The following PTGER3 variants were observed in gnomAD, a reference collection of about 807,000 sequenced individuals.
PTGER3 encodes the protein prostaglandin E2 receptor EP3 subtype.
Under a neutral mutation model 34.7 loss-of-function variants are expected in PTGER3, and 22 were observed. That is an observed-to-expected ratio of 0.63 (90% confidence interval 0.45 to 0.91). The LOEUF (loss-of-function observed/expected upper bound fraction) is 0.91. Among genes scored for constraint, PTGER3 ranks in the 40% least tolerant of loss-of-function variants. The probability of loss-of-function intolerance (pLI) is 0.00; values close to 1 mark genes in which losing one functional copy is unlikely to be tolerated. For synonymous variants in PTGER3, 241 were observed against 230.1 expected (o/e 1.05, Z -0.43); for missense variants, 468 against 519.4 (o/e 0.90, Z 0.96).
chr1:70,929,635 A>C (rs1397617803), intron 4 of PTGER3, among the ~76,000 whole-genome samples: 1 of 152,136 alleles, frequency 6.6e-6, no homozygotes, highest in Non-Finnish European at 1.5e-5. Context: ...TCCCCTACCA[A>C]ATTCCCAGAA....
intron 2 of PTGER3, among the ~76,000 whole-genome samples, chr1:70,975,468 C>T (rs962337210): frequency 1.3e-5 from 2 of 151,990 alleles, no homozygotes; most frequent in African/African-American, 4.8e-5. Flanking sequence ...GAAATAAAAT[C>T]CAGTGTTTCT....
intron 4 of PTGER3, among the ~76,000 whole-genome samples, chr1:70,881,913 A>G (rs997358952): frequency 6.6e-6 from 1 of 152,188 alleles, no homozygotes; most frequent in African/African-American, 2.4e-5. Context: ...GCTCTAGCAG[A>G]TGTGGCCCAT....
chr1:70,919,525 C>G (rs989569032), intron 4 of PTGER3, among the ~76,000 whole-genome samples: 2 of 152,176 alleles, frequency 1.3e-5, no homozygotes, highest in African/African-American at 4.8e-5. Flanking sequence ...AATCACCAAT[C>G]TAATACATCT....
chr1:70,976,443 G>A (rs56225162), intron 2 of PTGER3, among the ~76,000 whole-genome samples: 21,113 of 152,054 alleles, frequency 0.14, 2,016 homozygotes, highest in East Asian at 0.35. Flanking sequence ...TGTGGGGCCA[G>A]GGGAGTCTGT....
At chr1:70,885,136 T>G (rs1449331804) in intron 4 of PTGER3, among the ~76,000 whole-genome samples, 3 of 151,888 alleles carry the variant, frequency 2.0e-5, no homozygotes, top group Non-Finnish European at 2.9e-5. Context: ...GAATAAGTTT[T>G]TGAGTTTTGA....
chr1:70,942,197 C>T (rs972033933), intron 4 of PTGER3, among the ~76,000 whole-genome samples: 1 of 152,088 alleles, frequency 6.6e-6, no homozygotes, highest in African/African-American at 2.4e-5. Flanking sequence ...AGCACAGCCA[C>T]CCAGGCATGA....
chr1:70,932,230 A>T (rs117599798), intron 4 of PTGER3, among the ~76,000 whole-genome samples: 1 of 152,074 alleles, frequency 6.6e-6, no homozygotes, highest in African/African-American at 2.4e-5. Context: ...GGACCTTATC[A>T]TTCATATCAC....
intron 4 of PTGER3, among the ~76,000 whole-genome samples, chr1:70,905,888 T>A (rs1646936889): frequency 6.6e-6 from 1 of 152,132 alleles, no homozygotes; most frequent in African/African-American, 2.4e-5. Context: ...ATGATTTGAC[T>A]GTGTCCCCAC....
intron 4 of PTGER3, among the ~76,000 whole-genome samples, chr1:70,871,338 A>T (rs768880862): frequency 8.5e-5 from 13 of 152,200 alleles, no homozygotes; most frequent in Non-Finnish European, 1.5e-4. Flanking sequence ...GACACCACCA[A>T]GCCATGATGG....
intron 4 of PTGER3, among the ~76,000 whole-genome samples, chr1:70,872,942 G>A (rs371053371): frequency 4.2e-4 from 64 of 152,220 alleles, no homozygotes; most frequent in African/African-American, 1.5e-3. Flanking sequence ...CCCTGGGGTG[G>A]TATTTTGCTA....
At chr1:71,004,167 G>T (rs187404218) in intron 2 of PTGER3, among the ~76,000 whole-genome samples, 87 of 152,298 alleles carry the variant, frequency 5.7e-4, no homozygotes, top group Middle Eastern at 3.4e-3. Context: ...AGAATATTAT[G>T]CATAAACACT....
exon 5 of PTGER3, chr1:70,852,660 A>C (rs1645706732): frequency 1.3e-6 from 1 of 744,788 alleles, no homozygotes; most frequent in Admixed American, 2.6e-5. Flanking sequence ...AAAAGTACAA[A>C]AACATGTATG....
intron 1 of PTGER3, among the ~76,000 whole-genome samples, chr1:71,042,173 G>A (rs1660374939): frequency 6.6e-6 from 1 of 151,504 alleles, no homozygotes; most frequent in Non-Finnish European, 1.5e-5. Flanking sequence ...AAAGAGTGAA[G>A]TCCTCATCTT....
chr1:70,865,714 T>G lies in PTGER3; in HGVS notation c.*24-12855A>C, dbSNP rs551042301. The stretch of plus-strand genomic sequence containing the variant: ...TAAGAAGTTTGAAGCTCGCAAGTGT[T>G]AGTGGAAGTTGTGGATGTGATGAAG... On this transcript the variant is annotated intron_variant, in intron 4 of 4. Coordinates refer to the PTGER3 transcript ENST00000370931. 1.2e-5 allele frequency: 17 copies of G among 1,366,224 alleles called. No homozygotes were observed. The East Asian group carries it at 4.1e-4, about 33-fold the overall frequency. 84.6% of individuals were successfully genotyped at this position (1,366,224 alleles called of 1,614,324 possible). A position where few individuals can be genotyped will look rare whatever the true frequency, so the allele number is the denominator to read the frequency against.
At chr1:71,015,655 T>C (rs746673969) in intron 1 of PTGER3, among the ~76,000 whole-genome samples, 7 of 152,194 alleles carry the variant, frequency 4.6e-5, no homozygotes, top group Non-Finnish European at 7.3e-5. Flanking sequence ...AGCTGAGTCA[T>C]AGGATTTCTG....
chr1:70,880,243 A>T (rs186447776), intron 4 of PTGER3, among the ~76,000 whole-genome samples: 1 of 152,160 alleles, frequency 6.6e-6, no homozygotes, highest in African/African-American at 2.4e-5. Flanking sequence ...TCCTTTCCAT[A>T]TTTAGCACTC....
intron 2 of PTGER3, among the ~76,000 whole-genome samples, chr1:70,975,644 G>C (rs1164232894): frequency 6.6e-6 from 1 of 152,122 alleles, no homozygotes; most frequent in Non-Finnish European, 1.5e-5. Flanking sequence ...GATGATTTCT[G>C]TTTTAGGTAG....
At chr1:70,902,229 A>G (rs1646855782) in intron 4 of PTGER3, among the ~76,000 whole-genome samples, 1 of 152,218 alleles carries the variant, frequency 6.6e-6, no homozygotes, top group East Asian at 1.9e-4. Flanking sequence ...TAGAATTTAC[A>G]CCACTGAAAA....
intron 4 of PTGER3, among the ~76,000 whole-genome samples, chr1:70,876,281 GTTTT>G (rs202101787): frequency 7.6e-6 from 1 of 132,254 alleles, no homozygotes; most frequent in Non-Finnish European, 1.7e-5. Context: ...TTTTTAATGG[GTTTT>G]TTTTTTTTTT....
Sources: gnomAD v4.1 joint callset for allele counts (sites outside exome capture counted in the v4.1 genomes callset) on GRCh38, gnomAD v4.1.1 for gene constraint, MANE v1.5 for transcripts, NCBI Gene and HGNC (gene_info 2026-07-23, HGNC 2026-07-21) for gene names.